DAP: variants seen among roughly 807,000 people sequenced by gnomAD.
The protein encoded by DAP is death-associated protein 1.
In DAP, 8 loss-of-function variants were observed where a neutral mutation model predicts 13.8. The ratio of observed to expected loss-of-function variants is 0.58; its 90% CI spans 0.34 to 1.05. DAP has a LOEUF of 1.05. Among genes scored for constraint, DAP ranks in the 50% least tolerant of loss-of-function variants. The pLI is 0.03. For synonymous variants in DAP, 47 were observed against 47.5 expected (o/e 0.99, Z 0.04); for missense variants, 106 against 133.2 (o/e 0.80, Z 1.01).
intron 1 of DAP, among the ~76,000 whole-genome samples, chr5:10,757,356 C>T (rs1000953325): frequency 1.3e-5 from 2 of 152,094 alleles, no homozygotes; most frequent in Admixed American, 1.3e-4. Flanking sequence ...CTCACCACAA[C>T]CTCTGCCTCC....
chr5:10,693,343 T>C (rs1047387627), intron 2 of DAP, among the ~76,000 whole-genome samples: 2 of 152,214 alleles, frequency 1.3e-5, no homozygotes, highest in East Asian at 1.9e-4. Flanking sequence ...CATGTAAATG[T>C]ACTCTATCAG....
At chr5:10,685,823 T>C (rs1738142160) in intron 2 of DAP, among the ~76,000 whole-genome samples, 1 of 152,178 alleles carries the variant, frequency 6.6e-6, no homozygotes, top group Non-Finnish European at 1.5e-5. Flanking sequence ...TAAGAATACA[T>C]GCATAATAAA....
intron 2 of DAP, among the ~76,000 whole-genome samples, chr5:10,734,851 T>C (rs1287268686): frequency 6.6e-6 from 1 of 152,242 alleles, no homozygotes; most frequent in African/African-American, 2.4e-5. Context: ...TATATTCTAT[T>C]TACATTTATT....
chr5:10,758,223 A>T (rs1432330711), intron 1 of DAP, among the ~76,000 whole-genome samples: 49 of 143,876 alleles, frequency 3.4e-4, no homozygotes, highest in East Asian at 2.0e-4. Context: ...TTTTTTTTTT[A>T]AAAACTATCT....
chr5:10,681,298 G>C (rs1308434516), intron 3 of DAP, 129 bp from the exon 4 acceptor site: 1 of 730,256 alleles, frequency 1.4e-6, no homozygotes. Context: ...GAAGCCTCAG[G>C]CCAGCATCCA....
chr5:10,680,968 A>T lies in DAP; in HGVS notation c.*88T>A. 1 of 1,544,788 alleles carries T rather than the reference A, an allele frequency of 6.5e-7. No homozygotes were observed. Among genetic ancestry groups the T allele is most frequent in the African/African-American group, 1.4e-5 (1 of 73,210 alleles). On this transcript the variant is annotated 3_prime_UTR_variant, in exon 4 of 4. Transcript: ENST00000230895. ...GCCTTAGATTTCCCAGCAGAGTAGG[A>T]TTTGGGCGAAACTGCTGGTTCTCTC...
chr5:10,686,957 G>A (rs917537732), intron 2 of DAP, among the ~76,000 whole-genome samples: 2 of 152,186 alleles, frequency 1.3e-5, no homozygotes, highest in Non-Finnish European at 2.9e-5. Context: ...TCTTAGTAGG[G>A]ACTAATGCAG....
chr5:10,684,783 T>C (rs942011878), intron 2 of DAP, among the ~76,000 whole-genome samples: 1 of 152,128 alleles, frequency 6.6e-6, no homozygotes, highest in Non-Finnish European at 1.5e-5. Context: ...GGACAAGGTG[T>C]GTGCACTTCC....
At chr5:10,699,808 C>T (rs889770331) in intron 2 of DAP, among the ~76,000 whole-genome samples, 11 of 152,264 alleles carry the variant, frequency 7.2e-5, no homozygotes, top group African/African-American at 2.7e-4. Context: ...ACGGCTCTCA[C>T]TCCTTCCTGC....
At chr5:10,718,448 T>C (rs942258422) in intron 2 of DAP, among the ~76,000 whole-genome samples, 2 of 152,198 alleles carry the variant, frequency 1.3e-5, no homozygotes, top group Non-Finnish European at 2.9e-5. Context: ...ATGGAAGCCA[T>C]TAGAGTTGTC....
At chr5:10,682,669 A>G (rs961650608) in intron 3 of DAP, among the ~76,000 whole-genome samples, 18 of 152,232 alleles carry the variant, frequency 1.2e-4, no homozygotes, top group African/African-American at 4.3e-4. Context: ...TGTGGGTGTT[A>G]GGGGGCCTGG....
At chr5:10,750,588 A>G (rs1016714301) in intron 1 of DAP, among the ~76,000 whole-genome samples, 4 of 151,956 alleles carry the variant, frequency 2.6e-5, no homozygotes, top group African/African-American at 9.7e-5. Context: ...ATTTTTAATC[A>G]CTCTATTTTT....
intron 3 of DAP, 189 bp downstream of exon 3, chr5:10,683,340 G>C: frequency 1.4e-6 from 1 of 696,452 alleles, no homozygotes; most frequent in East Asian, 2.7e-5. Context: ...TAAAGGATGC[G>C]AGTCTGGCCT....
chr5:10,705,250 A>T (rs1738669621), intron 2 of DAP, among the ~76,000 whole-genome samples: 1 of 152,178 alleles, frequency 6.6e-6, no homozygotes, highest in Non-Finnish European at 1.5e-5. Flanking sequence ...GTCGTGACAC[A>T]TGTATTAAAG....
At chr5:10,759,448 A>AC (rs1250795777) in intron 1 of DAP, among the ~76,000 whole-genome samples, 8 of 151,894 alleles carry the variant, frequency 5.3e-5, no homozygotes, top group African/African-American at 1.9e-4. Flanking sequence ...CAAAAAAAAA[A>AC]CTCCCTTTGA....
Position 10,761,112 on chromosome 5 carries a change from T to G in DAP, c.-44A>C. The G allele has an allele frequency of 5.3e-6, 6 of 1,137,878 alleles. No homozygotes were observed. Among genetic ancestry groups the G allele is most frequent in the Non-Finnish European group, 3.3e-6 (3 of 904,484 alleles). 70.5% of individuals were successfully genotyped at this position (1,137,878 alleles called of 1,614,324 possible). On this transcript the variant is annotated 5_prime_UTR_variant, in exon 1 of 4. Coordinates refer to ENST00000230895, the MANE Select transcript of DAP (RefSeq NM_004394.3). Reference sequence around the variant, plus strand: ...CGGGGCCGAGGCGGCGGCGCGGTTCTCGGGCCGGGCGGGCGTGCGCGAGTG... The same window carrying G: ...CGGGGCCGAGGCGGCGGCGCGGTTCGCGGGCCGGGCGGGCGTGCGCGAGTG...
chr5:10,748,141 A>G (rs1456572912), intron 2 of DAP, 34 bp downstream of exon 2: 1 of 1,473,928 alleles, frequency 6.8e-7, no homozygotes, highest in East Asian at 2.3e-5. Flanking sequence ...GGGTTTTTGG[A>G]AAACATGCTC....
intron 2 of DAP, among the ~76,000 whole-genome samples, chr5:10,729,753 CCA>C (rs1392368803): frequency 5.9e-5 from 9 of 152,190 alleles, no homozygotes; most frequent in Admixed American, 2.0e-4. Flanking sequence ...GAAGCCATGT[CCA>C]CAGAGATGCT....
chr5:10,687,217 G>A (rs1317841088), intron 2 of DAP, among the ~76,000 whole-genome samples: 1 of 152,140 alleles, frequency 6.6e-6, no homozygotes, highest in Non-Finnish European at 1.5e-5. Context: ...CCAAGACCAA[G>A]TATACAAGGA....
Sources: allele counts gnomAD v4.1 joint callset (sites outside exome capture counted in the v4.1 genomes callset), GRCh38; gene constraint gnomAD v4.1.1; transcripts MANE v1.5; gene names NCBI Gene and HGNC (gene_info 2026-07-23, HGNC 2026-07-21).